HERC5: variants seen among roughly 807,000 people sequenced by gnomAD.
The protein encoded by HERC5 is HECT and RLD domain containing E3 ubiquitin protein ligase 5, also known as E3 ISG15--protein ligase HERC5.
A neutral mutation model predicts 119.6 loss-of-function variants in HERC5; 99 were observed. That is an observed-to-expected ratio of 0.83 (90% CI 0.70 to 0.98). The LOEUF (loss-of-function observed/expected upper bound fraction) is 0.98. Among genes scored for constraint, HERC5 ranks in the 50% least tolerant of loss-of-function variants. The pLI is 0.00. For synonymous variants in HERC5, 478 were observed against 445.9 expected (o/e 1.07, Z -0.91); for missense variants, 1,267 against 1,241.3 (o/e 1.02, Z -0.31).
intron 16 of HERC5, among the ~76,000 whole-genome samples, chr4:88,490,424 G>C (rs776722418): frequency 3.9e-5 from 6 of 152,176 alleles, no homozygotes; most frequent in Non-Finnish European, 7.3e-5. Context: ...GCTTAATGAA[G>C]ACGGATAAAG....
intron 13 of HERC5, among the ~76,000 whole-genome samples, chr4:88,483,375 A>G (rs900454103): frequency 6.6e-6 from 1 of 151,636 alleles, no homozygotes; most frequent in African/African-American, 2.4e-5. Context: ...TGCCCAGCTA[A>G]TTGTTTCATT....
intron 1 of HERC5, among the ~76,000 whole-genome samples, chr4:88,458,358 T>C (rs2149081356): frequency 6.6e-6 from 1 of 152,214 alleles, no homozygotes; most frequent in Non-Finnish European, 1.5e-5. Context: ...ACACTCCCAG[T>C]GTTTTAAAAA....
chr4:88,504,112 A>G (rs1742034125), intron 20 of HERC5, 120 bp from the exon 21 acceptor site: 1 of 592,968 alleles, frequency 1.7e-6, no homozygotes, highest in Non-Finnish European at 2.9e-6. Context: ...TAACTATGAC[A>G]GTCCATGGCA....
intron 5 of HERC5, 48 bp downstream of exon 5, chr4:88,463,671 TTGTA>T: frequency 3.9e-6 from 6 of 1,522,290 alleles, no homozygotes; most frequent in Middle Eastern, 1.8e-4. Context: ...GAAGAACAGT[TTGTA>T]TGGGAAGTTA....
chr4:88,503,171 G>T (rs1356179017), intron 20 of HERC5, among the ~76,000 whole-genome samples: 11 of 151,700 alleles, frequency 7.3e-5, no homozygotes, highest in Admixed American at 7.2e-4. Flanking sequence ...CACTTTAATT[G>T]ATTTTTTAGT....
In HERC5 at chr4:88,463,999, T is replaced by C; in HGVS notation, c.911+14T>C. 6.2e-7 allele frequency: 1 copy of C among 1,605,630 alleles called. No homozygotes were observed. The highest frequency in any genetic ancestry group is 8.5e-7 in the Non-Finnish European group (1 of 1,176,422). On this transcript the variant is annotated intron_variant, in intron 6 of 22. Coordinates refer to ENST00000264350, the MANE Select transcript of HERC5 (RefSeq NM_016323.4). ...AGCATGTGGAAGGTAAGTTGTAAAG[T>C]ATCAATAAGAATTGATAAAATGAGT...
In HERC5 at chr4:88,494,294, T is replaced by C. The variant is rs189875661; in HGVS notation, c.2407T>C (p.Leu803=). 2 of 1,613,352 alleles carry C rather than the reference T, an allele frequency of 1.2e-6. No homozygotes were observed. Among genetic ancestry groups the C allele is most frequent in the African/African-American group, 1.3e-5 (1 of 75,010 alleles). ...FKKLLDQMPS[L]EDLKELSPDL... is the part of the protein sequence containing the mutation. The stretch of plus-strand genomic sequence containing the variant: ...GAAACTTTTGGACCAAATGCCATCA[T>C]TGGAAGACTTGAAAGAACTCAGTCC... The change falls in exon 18 of 23, where the codon TTG becomes CTG. Residue 803 remains leucine (L), a synonymous_variant. Transcript: ENST00000264350.
Position 88,468,029 on chromosome 4 carries a change from GT to G in HERC5, c.1058-312del, listed in dbSNP as rs1333975232. On this transcript the variant is annotated intron_variant, in intron 7 of 22. Transcript: ENST00000264350. ...TCATTGCTTAAATCTTGAAAACATG[GT>G]TTTTAGTAATGGGAGTTGAATTAAA... 7 of 285,338 alleles carry G rather than the reference GT, an allele frequency of 2.5e-5. No individual in the cohort carries two copies. In the South Asian group the frequency reaches 6.6e-4, roughly 27 times the overall value. The allele number at this position is 285,338 out of a possible 1,614,324, so 17.7% of individuals were successfully genotyped here. A position where few individuals can be genotyped will look rare whatever the true frequency, so the allele number is the denominator to read the frequency against.
rs1490648485 is a variant in HERC5, at chr4:88,470,674, G to A, written c.1298+1G>A. ...TAACTGGAAGTTTTTTAAGGAAAAGGTAATATATGTAATAAATTAATTGTA... is the reference window on the plus strand; with the variant it reads ...TAACTGGAAGTTTTTTAAGGAAAAGATAATATATGTAATAAATTAATTGTA... On this transcript the variant is annotated splice_donor_variant, in intron 10 of 22. Coordinates refer to ENST00000264350, the MANE Select transcript of HERC5 (RefSeq NM_016323.4). LOFTEE classifies it high-confidence loss of function. 8 of 1,240,356 alleles carry A rather than the reference G, an allele frequency of 6.4e-6. No homozygotes were observed. Among genetic ancestry groups the A allele is most frequent in the East Asian group, 2.3e-5 (1 of 42,630 alleles). The allele number at this position is 1,240,356 out of a possible 1,614,324, so 76.8% of individuals were successfully genotyped here. A position where few individuals can be genotyped will look rare whatever the true frequency, so the allele number is the denominator to read the frequency against.
intron 4 of HERC5, among the ~76,000 whole-genome samples, chr4:88,463,198 A>C (rs147345085): frequency 2.6e-5 from 4 of 152,356 alleles, no homozygotes; most frequent in Admixed American, 2.0e-4. Flanking sequence ...GAAAGAAAGG[A>C]ATTGCTATGT....
intron 20 of HERC5, among the ~76,000 whole-genome samples, chr4:88,501,968 T>C (rs1741959759): frequency 6.6e-6 from 1 of 152,060 alleles, no homozygotes; most frequent in African/African-American, 2.4e-5. Flanking sequence ...CCAACTAATT[T>C]TTTGTATTTT....
intron 7 of HERC5, chr4:88,467,910 G>A (rs954328283): frequency 8.2e-6 from 8 of 981,584 alleles, no homozygotes; most frequent in Middle Eastern, 5.2e-4. Context: ...GTAGGAAAAC[G>A]AACAGAGTTA....
chr4:88,496,981 C>T (rs1349444070), intron 18 of HERC5, among the ~76,000 whole-genome samples: 1 of 152,122 alleles, frequency 6.6e-6, no homozygotes, highest in Non-Finnish European at 1.5e-5. Flanking sequence ...CATGAGAGGA[C>T]ACAGAGGACA....
At chr4:88,464,734 G>A (rs938968550) in intron 6 of HERC5, among the ~76,000 whole-genome samples, 7 of 151,718 alleles carry the variant, frequency 4.6e-5, no homozygotes, top group African/African-American at 1.2e-4. Context: ...GATTACAGGC[G>A]TGCACTGCCA....
At chr4:88,461,068 T>A (rs542285745) in intron 3 of HERC5, among the ~76,000 whole-genome samples, 1 of 152,308 alleles carries the variant, frequency 6.6e-6, no homozygotes, top group Admixed American at 6.5e-5. Context: ...GTCAAGGGAA[T>A]TTTTGTTAAT....
chr4:88,471,769 C>G (rs1216051012), intron 10 of HERC5, among the ~76,000 whole-genome samples: 1 of 152,122 alleles, frequency 6.6e-6, no homozygotes, highest in African/African-American at 2.4e-5. Context: ...TCTTTTGGTT[C>G]CCACTTTTCA....
chr4:88,459,544 G>A (rs1295024815), intron 2 of HERC5, 74 bp downstream of exon 2: 1 of 987,388 alleles, frequency 1.0e-6, no homozygotes, highest in Non-Finnish European at 1.5e-6. Flanking sequence ...GGAAATATCT[G>A]ATTCTTGTCC....
chr4:88,499,391 G>T (rs1243499649), intron 18 of HERC5, among the ~76,000 whole-genome samples: 1 of 152,134 alleles, frequency 6.6e-6, no homozygotes, highest in Non-Finnish European at 1.5e-5. Context: ...TTAAAAATTG[G>T]TTACTGTCCA....
intron 6 of HERC5, among the ~76,000 whole-genome samples, chr4:88,465,539 G>A (rs932733591): frequency 4.6e-5 from 7 of 152,112 alleles, no homozygotes; most frequent in African/African-American, 9.7e-5. Context: ...CCAAAGAAGC[G>A]TTCTCTTCAA....
Sources: allele counts gnomAD v4.1 joint callset (sites outside exome capture counted in the v4.1 genomes callset), GRCh38; gene constraint gnomAD v4.1.1; transcripts MANE v1.5; gene names NCBI Gene and HGNC (gene_info 2026-07-23, HGNC 2026-07-21).